Variants in MAP3K9 observed in about 807,000 individuals in gnomAD.
The protein encoded by MAP3K9 is mixed lineage kinase 1 (tyr and ser/thr specificity).
MAP3K9 carries 46 observed loss-of-function variants against 95.8 expected under a neutral mutation model. That is an observed-to-expected ratio of 0.48 (90% CI 0.38 to 0.61). The LOEUF (loss-of-function observed/expected upper bound fraction) is 0.61. Among genes scored for constraint, MAP3K9 ranks in the 20% least tolerant of loss-of-function variants. MAP3K9 has a pLI of 0.00. For synonymous variants in MAP3K9, 533 were observed against 593.8 expected (o/e 0.90, Z 1.49); for missense variants, 1,296 against 1,474.3 (o/e 0.88, Z 1.98).
At chr14:70,763,163 G>A (rs1207428960) in intron 2 of MAP3K9, among the ~76,000 whole-genome samples, 1 of 152,176 alleles carries the variant, frequency 6.6e-6, no homozygotes, top group Non-Finnish European at 1.5e-5. Context: ...TTCACATCTT[G>A]AAAAATGTAA....
chr14:70,780,876 G>C (rs1357470285), intron 2 of MAP3K9, among the ~76,000 whole-genome samples: 1 of 152,200 alleles, frequency 6.6e-6, no homozygotes, highest in African/African-American at 2.4e-5. Context: ...TCAGATGCTC[G>C]ATGGTTTTGT....
chr14:70,735,293 A>G (rs1179032089), intron 9 of MAP3K9, among the ~76,000 whole-genome samples: 2 of 152,066 alleles, frequency 1.3e-5, no homozygotes, highest in Non-Finnish European at 2.9e-5. Flanking sequence ...CCTAGAGGAC[A>G]GTAAAAGGGA....
chr14:70,740,357 A>G (rs1470765319), intron 6 of MAP3K9, among the ~76,000 whole-genome samples, 193 bp from the exon 7 acceptor site: 2 of 152,224 alleles, frequency 1.3e-5, no homozygotes, highest in African/African-American at 4.8e-5. Context: ...GAACGTATAA[A>G]AAGATGGAAA....
At chr14:70,739,511 C>CAT (rs1187960685) in intron 7 of MAP3K9, among the ~76,000 whole-genome samples, 1 of 150,410 alleles carries the variant, frequency 6.6e-6, no homozygotes, top group African/African-American at 2.4e-5. Flanking sequence ...TTCACACACA[C>CAT]ACACACACAC....
intron 2 of MAP3K9, among the ~76,000 whole-genome samples, chr14:70,775,166 T>C (rs1345648649): frequency 6.6e-6 from 1 of 152,134 alleles, no homozygotes; most frequent in Non-Finnish European, 1.5e-5. Context: ...TCATAAATTA[T>C]TTAATAATAA....
intron 2 of MAP3K9, among the ~76,000 whole-genome samples, chr14:70,787,893 T>A (rs912029634): frequency 6.6e-6 from 1 of 151,980 alleles, no homozygotes; most frequent in Non-Finnish European, 1.5e-5. Flanking sequence ...ACATGCGAAG[T>A]CCTATACTAG....
intron 2 of MAP3K9, among the ~76,000 whole-genome samples, chr14:70,764,988 A>G (rs1392014814): frequency 3.9e-5 from 6 of 152,220 alleles, no homozygotes; most frequent in Admixed American, 3.3e-4. Flanking sequence ...TTTTGTTTAT[A>G]AAGTTAAAAA....
chr14:70,774,855 C>T (rs987563866), intron 2 of MAP3K9, among the ~76,000 whole-genome samples: 19 of 151,360 alleles, frequency 1.3e-4, no homozygotes, highest in African/African-American at 4.4e-4. Context: ...CATGGTGGCA[C>T]GCATCTGTAG....
intron 2 of MAP3K9, among the ~76,000 whole-genome samples, chr14:70,762,080 C>T (rs1474568223): frequency 6.6e-6 from 1 of 152,178 alleles, no homozygotes; most frequent in East Asian, 1.9e-4. Flanking sequence ...TATATCAGTA[C>T]TTCATTCCTC....
intron 2 of MAP3K9, among the ~76,000 whole-genome samples, chr14:70,794,989 C>CT (rs1566766253): frequency 4.1e-5 from 3 of 73,344 alleles, no homozygotes; most frequent in African/African-American, 1.5e-4. Context: ...TTTTTCTTTT[C>CT]CTTTTTTTTT....
intron 2 of MAP3K9, among the ~76,000 whole-genome samples, chr14:70,793,717 T>C (rs1261420471): frequency 1.3e-5 from 2 of 152,112 alleles, no homozygotes; most frequent in African/African-American, 2.4e-5. Flanking sequence ...GACCCTACTA[T>C]GCACCTGGAA....
chr14:70,740,312 G>A, intron 6 of MAP3K9, 148 bp from the exon 7 acceptor site: 1 of 852,840 alleles, frequency 1.2e-6, no homozygotes, highest in Non-Finnish European at 1.8e-6. Context: ...TTCTCTTTTA[G>A]AATCATCTCT....
At chr14:70,757,736 A>G (rs528352239) in intron 3 of MAP3K9, among the ~76,000 whole-genome samples, 43 of 152,382 alleles carry the variant, frequency 2.8e-4, no homozygotes, top group African/African-American at 1.0e-3. Flanking sequence ...CTGAGAATCT[A>G]GAAATAAACC....
chr14:70,733,281 C>G lies in MAP3K9; in HGVS notation c.2088G>C (p.Gln696His), dbSNP rs2053938838. The G allele has an allele frequency of 6.2e-7, 1 of 1,609,262 alleles. No individual in the cohort carries two copies. Residue 696 changes from glutamine (Q) to histidine (H), a missense_variant, in exon 11 of 12, where the codon CAG becomes CAC. Coordinates refer to ENST00000554752, the MANE Select transcript of MAP3K9 (RefSeq NM_001284230.2). ...GAGGGAATGGGATACAGAGGTAGGA[C>G]TGGCTGGGTGAATGCTGTAGGCGAC... ...GESRLQHSPS[Q>H]SYLCIPFPRG...
chr14:70,770,038 T>C (rs932623438), intron 2 of MAP3K9, among the ~76,000 whole-genome samples: 6 of 152,202 alleles, frequency 3.9e-5, no homozygotes, highest in East Asian at 3.9e-4. Flanking sequence ...GAAATTCCCA[T>C]GGAATTTACA....
intron 1 of MAP3K9, among the ~76,000 whole-genome samples, chr14:70,808,001 T>C (rs2055009312): frequency 6.6e-6 from 1 of 152,154 alleles, no homozygotes; most frequent in African/African-American, 2.4e-5. Flanking sequence ...AGAAAATGTA[T>C]TTCCCAAACA....
At position 70,809,303 on chromosome 14, in the gene MAP3K9, G is replaced by T; in HGVS notation, c.-132C>A. 1 of 1,150,476 alleles carries T rather than the reference G, an allele frequency of 8.7e-7. No homozygotes were observed. Among genetic ancestry groups the T allele is most frequent in the South Asian group, 4.0e-5 (1 of 25,110 alleles). The allele number at this position is 1,150,476 out of a possible 1,614,324, so 71.3% of individuals were successfully genotyped here. A position where few individuals can be genotyped will look rare whatever the true frequency, so the allele number is the denominator to read the frequency against. On this transcript the variant is annotated 5_prime_UTR_variant, in exon 1 of 12. Transcript: ENST00000554752. Reference sequence around the variant, plus strand: ...GCGGCCGCAGGTAGGGCCCGGGCTGGCAGGGCTGGGAGAGCCGGCTCGCCG... The same window carrying T: ...GCGGCCGCAGGTAGGGCCCGGGCTGTCAGGGCTGGGAGAGCCGGCTCGCCG...
At chr14:70,773,351 C>T (rs569393235) in intron 2 of MAP3K9, among the ~76,000 whole-genome samples, 3 of 152,328 alleles carry the variant, frequency 2.0e-5, no homozygotes, top group South Asian at 4.1e-4. Context: ...ATTGAAAACA[C>T]AGCAGAAAGG....
At chr14:70,745,316 G>A (rs145427052) in intron 5 of MAP3K9, among the ~76,000 whole-genome samples, 1 of 152,316 alleles carries the variant, frequency 6.6e-6, no homozygotes, top group East Asian at 1.9e-4. Context: ...CCATATTGGG[G>A]AAGCTGAGCA....
Sources: gnomAD v4.1 joint callset for allele counts (sites outside exome capture counted in the v4.1 genomes callset) on GRCh38, gnomAD v4.1.1 for gene constraint, MANE v1.5 for transcripts, NCBI Gene and HGNC (gene_info 2026-07-23, HGNC 2026-07-21) for gene names.